Variants in DTNA observed in about 807,000 individuals in gnomAD.
The protein encoded by DTNA is dystrophin-related protein 3.
A neutral mutation model predicts 100.7 loss-of-function variants in DTNA; 43 were observed. The observed-to-expected ratio is 0.43, with a 90% confidence interval of 0.33 to 0.55. The LOEUF is 0.55. Ranked by LOEUF, DTNA falls within the 20% of genes least tolerant of loss-of-function variation. The pLI is 0.04. For missense variants in DTNA, 798 were observed against 953.9 expected, an observed-to-expected ratio of 0.84 and a Z score of 2.15; for synonymous variants, 349 against 347.9, an observed-to-expected ratio of 1.00 and a Z score of -0.04.
intron 1 of DTNA, among the ~76,000 whole-genome samples, chr18:34,524,968 A>G (rs953537642): frequency 6.6e-6 from 1 of 152,146 alleles, no homozygotes; most frequent in Admixed American, 6.6e-5. Context: ...TGAAAACTGA[A>G]TTTCTAAAAC....
rs780815924 is a variant in DTNA, at chr18:34,794,042, C to G, written c.154C>G (p.Leu52Val). Residue 52 changes from leucine (L) to valine (V), a missense_variant, in exon 4 of 23, where the codon CTG becomes GTG. Leu to Val is a conservative substitution (Grantham distance 32, BLOSUM62 1). Transcript: ENST00000444659. ...TAACTCTGCTTTAATTGTAGTGCAC[C>G]TGGTGGACATATGGAATGTCATAGA... is the stretch of plus-strand genomic sequence containing the variant. ...RFVQKKCNLH[L>V]VDIWNVIEAL... 8 of 1,613,838 alleles carry G rather than the reference C, an allele frequency of 5.0e-6. No homozygotes were observed. The South Asian group carries it at 7.7e-5, about 16-fold the overall frequency.
In DTNA at chr18:34,591,380, A is replaced by G. The variant is rs769008619; in HGVS notation, c.-2+97866A>G. 3.3e-5 allele frequency among the ~76,000 whole-genome samples: 5 copies of G among 152,240 alleles called. No homozygotes were observed. The South Asian group carries it at 6.2e-4, about 19-fold the overall frequency. On this transcript the variant is annotated intron_variant, in intron 1 of 19. Transcript: ENST00000283365. ...GTAGGCCAACAAATAACCATTTTCC[A>G]TAGGTTAAGATATACACTTGCACAT...
At chr18:34,855,554 C>T (rs2096542578) in intron 15 of DTNA, among the ~76,000 whole-genome samples, 1 of 152,226 alleles carries the variant, frequency 6.6e-6, no homozygotes, top group East Asian at 1.9e-4. Flanking sequence ...TCACACAACT[C>T]AGATTTTACT....
chr18:34,666,054 T>G (rs1599818138), intron 1 of DTNA, among the ~76,000 whole-genome samples: 1 of 152,316 alleles, frequency 6.6e-6, no homozygotes, highest in African/African-American at 2.4e-5. Context: ...GTAAAAACAT[T>G]CCTATTTCTC....
intron 1 of DTNA, among the ~76,000 whole-genome samples, chr18:34,748,053 T>A (rs535554484): frequency 6.6e-6 from 1 of 152,322 alleles, no homozygotes; most frequent in African/African-American, 2.4e-5. Context: ...ATTTCCCTGA[T>A]GATTAGTGAT....
chr18:34,521,085 T>C (rs2042107277), intron 1 of DTNA, among the ~76,000 whole-genome samples: 1 of 152,202 alleles, frequency 6.6e-6, no homozygotes, highest in Non-Finnish European at 1.5e-5. Flanking sequence ...CTATAGACTT[T>C]TATTTACAGC....
chr18:34,690,003 C>G (rs1416930508), intron 1 of DTNA, among the ~76,000 whole-genome samples: 3 of 152,236 alleles, frequency 2.0e-5, no homozygotes, highest in Admixed American at 2.0e-4. Context: ...CTCCACCAAA[C>G]TTGAGAGTCA....
At chr18:34,662,222 A>G (rs2075301822) in intron 1 of DTNA, among the ~76,000 whole-genome samples, 1 of 152,028 alleles carries the variant, frequency 6.6e-6, no homozygotes. Flanking sequence ...AAAATGAGAG[A>G]GAACATATTT....
intron 2 of DTNA, among the ~76,000 whole-genome samples, chr18:34,761,312 CA>C (rs1333640551): frequency 2.6e-5 from 4 of 152,022 alleles, no homozygotes; most frequent in Admixed American, 2.6e-4. Context: ...ATAGAGCTAT[CA>C]AAAATGGCTA....
intron 16 of DTNA, among the ~76,000 whole-genome samples, chr18:34,861,123 G>C (rs897547274): frequency 9.2e-5 from 14 of 151,990 alleles, no homozygotes; most frequent in Admixed American, 9.2e-4. Flanking sequence ...AGTTAATGTT[G>C]ATATATGGTA....
intron 9 of DTNA, 136 bp from the exon 10 acceptor site, chr18:34,827,457 T>C: frequency 1.3e-6 from 1 of 797,928 alleles, no homozygotes; most frequent in South Asian, 1.4e-5. Context: ...AATTGGAAAA[T>C]ATAAGATTTC....
intron 3 of DTNA, among the ~76,000 whole-genome samples, chr18:34,777,346 T>C (rs768966502): frequency 1.3e-5 from 2 of 152,186 alleles, no homozygotes; most frequent in Non-Finnish European, 2.9e-5. Flanking sequence ...TCAAAGATAG[T>C]GTATGGTTCA....
At chr18:34,840,840 T>G (rs577555735) in intron 13 of DTNA, among the ~76,000 whole-genome samples, 1 of 152,240 alleles carries the variant, frequency 6.6e-6, no homozygotes, top group South Asian at 2.1e-4. Context: ...AATTTCTCAT[T>G]TTTTCTTCCC....
chr18:34,808,161 C>G (rs1271441394), intron 5 of DTNA, among the ~76,000 whole-genome samples: 3 of 152,164 alleles, frequency 2.0e-5, no homozygotes, highest in Non-Finnish European at 4.4e-5. Flanking sequence ...TTAAGGAAAT[C>G]TAAGAAAACC....
intron 16 of DTNA, among the ~76,000 whole-genome samples, chr18:34,860,650 C>T (rs1384763883): frequency 1.3e-5 from 2 of 152,130 alleles, no homozygotes; most frequent in Non-Finnish European, 2.9e-5. Flanking sequence ...CTTTGTTTTT[C>T]GTTAATGCAT....
intron 3 of DTNA, among the ~76,000 whole-genome samples, chr18:34,775,822 G>T (rs1408418644): frequency 6.6e-6 from 1 of 152,236 alleles, no homozygotes; most frequent in Non-Finnish European, 1.5e-5. Flanking sequence ...AACCAGTCAT[G>T]CCATACTTAA....
chr18:34,633,401 A>G (rs1411381407), intron 1 of DTNA, among the ~76,000 whole-genome samples: 1 of 152,202 alleles, frequency 6.6e-6, no homozygotes, highest in East Asian at 1.9e-4. Flanking sequence ...GCTTGAATAA[A>G]TGTTAGGTTT....
At chr18:34,571,681 C>A (rs964013120) in intron 1 of DTNA, among the ~76,000 whole-genome samples, 9 of 152,098 alleles carry the variant, frequency 5.9e-5, no homozygotes, top group African/African-American at 2.2e-4. Flanking sequence ...AGAGTTTTAT[C>A]CTGTTTAATT....
intron 11 of DTNA, among the ~76,000 whole-genome samples, chr18:34,831,331 C>T (rs1357476191): frequency 6.6e-6 from 1 of 152,150 alleles, no homozygotes; most frequent in Non-Finnish European, 1.5e-5. Context: ...AAGGAATCAC[C>T]TTGACTATTC....
Sources: gnomAD v4.1 joint callset for allele counts (sites outside exome capture counted in the v4.1 genomes callset) on GRCh38, gnomAD v4.1.1 for gene constraint, MANE v1.5 for transcripts, NCBI Gene and HGNC (gene_info 2026-07-23, HGNC 2026-07-21) for gene names.